The following ME3 variants were observed in gnomAD, a reference collection of about 807,000 sequenced individuals.
The protein encoded by ME3 is malic enzyme 3.
Under a neutral mutation model 68.9 loss-of-function variants are expected in ME3, and 48 were observed. The observed-to-expected ratio is 0.70, with a 90% CI of 0.55 to 0.89. ME3 has a LOEUF of 0.89. Ranked by LOEUF, ME3 falls within the 40% of genes least tolerant of loss-of-function variation. The pLI is 0.00. For missense variants in ME3, 675 were observed against 797.4 expected (o/e 0.85, Z 1.85); for synonymous variants, 320 against 318.8 (o/e 1.00, Z -0.04).
chr11:86,538,010 T>C (rs1172730878), intron 4 of ME3, among the ~76,000 whole-genome samples: 3 of 152,328 alleles, frequency 2.0e-5, no homozygotes, highest in East Asian at 1.9e-4. Flanking sequence ...GGCACCTTGA[T>C]GTGGCATGGA....
At chr11:86,627,678 A>T (rs956502181) in intron 2 of ME3, among the ~76,000 whole-genome samples, 1 of 152,134 alleles carries the variant, frequency 6.6e-6, no homozygotes, top group Non-Finnish European at 1.5e-5. Flanking sequence ...AGGATTCAGT[A>T]TCAACCTCAA....
chr11:86,530,898 A>C (rs71465638), intron 4 of ME3, among the ~76,000 whole-genome samples: 25,476 of 102,748 alleles, frequency 0.25, 2,327 homozygotes, highest in African/African-American at 0.34. Flanking sequence ...TAAAAACCCT[A>C]GAAGAAAACC....
chr11:86,501,999 G>A (rs1952756936), intron 5 of ME3, among the ~76,000 whole-genome samples: 1 of 152,188 alleles, frequency 6.6e-6, no homozygotes, highest in Non-Finnish European at 1.5e-5. Flanking sequence ...GGTCCCTGAT[G>A]TCTGTAAAAT....
intron 2 of ME3, among the ~76,000 whole-genome samples, chr11:86,560,233 A>G (rs1957140392): frequency 6.6e-6 from 1 of 152,154 alleles, no homozygotes; most frequent in Admixed American, 6.5e-5. Context: ...AGTTTTCCCC[A>G]TGCTATTCTT....
intron 2 of ME3, among the ~76,000 whole-genome samples, chr11:86,645,738 C>A (rs1190872183): frequency 6.6e-6 from 1 of 152,200 alleles, no homozygotes; most frequent in African/African-American, 2.4e-5. Flanking sequence ...GTCCCTGACC[C>A]CTGTGCCTCC....
intron 7 of ME3, among the ~76,000 whole-genome samples, chr11:86,474,895 C>T (rs928400904): frequency 5.9e-5 from 9 of 152,164 alleles, no homozygotes; most frequent in African/African-American, 1.2e-4. Flanking sequence ...TTATAAATTC[C>T]TTGACAGCAA....
intron 2 of ME3, among the ~76,000 whole-genome samples, chr11:86,650,635 G>C (rs1226315226): frequency 6.6e-6 from 1 of 152,150 alleles, no homozygotes; most frequent in African/African-American, 2.4e-5. Flanking sequence ...TGGCCAAATA[G>C]GAACAGCTCC....
intron 6 of ME3, among the ~76,000 whole-genome samples, chr11:86,495,574 A>T (rs1952273971): frequency 6.6e-6 from 1 of 152,224 alleles, no homozygotes; most frequent in African/African-American, 2.4e-5. Context: ...AGAATAAAAC[A>T]AAGTTTGCTG....
chr11:86,654,165 A>G (rs771007096), intron 2 of ME3, among the ~76,000 whole-genome samples: 127 of 152,300 alleles, frequency 8.3e-4, no homozygotes, highest in Non-Finnish European at 1.6e-3. Context: ...TCTACTAGAG[A>G]TACAAGGAGG....
intron 5 of ME3, among the ~76,000 whole-genome samples, chr11:86,502,415 T>C (rs1952785685): frequency 6.6e-6 from 1 of 152,222 alleles, no homozygotes; most frequent in Admixed American, 6.5e-5. Context: ...TGTGTCATCT[T>C]TGATTCATCA....
At chr11:86,496,022 C>A (rs2139001734) in intron 6 of ME3, among the ~76,000 whole-genome samples, 1 of 152,258 alleles carries the variant, frequency 6.6e-6, no homozygotes, top group East Asian at 1.9e-4. Context: ...AAGGTCTGCC[C>A]ACCGTTCCAT....
At chr11:86,634,138 A>C (rs1944188548) in intron 2 of ME3, among the ~76,000 whole-genome samples, 1 of 152,128 alleles carries the variant, frequency 6.6e-6, no homozygotes, top group Non-Finnish European at 1.5e-5. Context: ...AAAAAAGGAG[A>C]AGGAAGAGTA....
At chr11:86,593,547 C>G (rs141431788) in intron 2 of ME3, among the ~76,000 whole-genome samples, 1 of 146,476 alleles carries the variant, frequency 6.8e-6, no homozygotes, top group Non-Finnish European at 1.5e-5. Flanking sequence ...CTCCATCTCC[C>G]TAAGTTCAAT....
At chr11:86,452,368 G>A (rs1267676483) in intron 8 of ME3, among the ~76,000 whole-genome samples, 1 of 152,186 alleles carries the variant, frequency 6.6e-6, no homozygotes, top group South Asian at 2.1e-4. Context: ...GGGACAGTGA[G>A]GACAGGGAGG....
intron 8 of ME3, among the ~76,000 whole-genome samples, chr11:86,455,094 G>C (rs1949841045): frequency 6.6e-6 from 1 of 152,238 alleles, no homozygotes. Flanking sequence ...AGGGAGTGCT[G>C]AACTGTTGGC....
intron 2 of ME3, among the ~76,000 whole-genome samples, chr11:86,614,790 T>G (rs1352956542): frequency 1.3e-5 from 2 of 152,166 alleles, no homozygotes; most frequent in Non-Finnish European, 2.9e-5. Flanking sequence ...CTTCTCTATA[T>G]CTCTCTAGCC....
chr11:86,451,617 G>A (rs891354762), intron 8 of ME3, among the ~76,000 whole-genome samples: 4 of 152,190 alleles, frequency 2.6e-5, no homozygotes, highest in African/African-American at 9.7e-5. Context: ...CCCTGGGGGG[G>A]ACCATCCACC....
chr11:86,537,708 A>G (rs1955773235), intron 4 of ME3, among the ~76,000 whole-genome samples: 1 of 152,310 alleles, frequency 6.6e-6, no homozygotes, highest in Non-Finnish European at 1.5e-5. Context: ...TTAGGAGGCA[A>G]TTTCTCAGCC....
chr11:86,605,012 C>G (rs948427326), intron 2 of ME3, among the ~76,000 whole-genome samples: 1 of 152,182 alleles, frequency 6.6e-6, no homozygotes, highest in Admixed American at 6.5e-5. Context: ...CCCATTTCTC[C>G]TATTCCCTAA....
Sources: allele counts gnomAD v4.1 joint callset (sites outside exome capture counted in the v4.1 genomes callset), GRCh38; gene constraint gnomAD v4.1.1; transcripts MANE v1.5; gene names NCBI Gene and HGNC (gene_info 2026-07-23, HGNC 2026-07-21).